ZC3H13: variants seen among roughly 807,000 people sequenced by gnomAD.
ZC3H13 encodes zinc finger CCCH domain-containing protein 13.
In ZC3H13, 64 loss-of-function variants were observed where a neutral mutation model predicts 204.1. The ratio of observed to expected loss-of-function variants is 0.31; its 90% CI spans 0.26 to 0.39. ZC3H13 has a LOEUF of 0.39. Among genes scored for constraint, ZC3H13 ranks in the 10% least tolerant of loss-of-function variants. The pLI is 1.00. For missense variants in ZC3H13, 1,833 were observed against 2,082.7 expected (o/e 0.88, Z 2.33); for synonymous variants, 667 against 693.7 (o/e 0.96, Z 0.60).
rs1951304883 is a variant in ZC3H13, at chr13:45,956,929, T to G, written c.*198A>C. 5.1e-6 allele frequency: 2 copies of G among 395,372 alleles called. No individual in the cohort carries two copies. Among genetic ancestry groups the G allele is most frequent in the Non-Finnish European group, 8.7e-6 (2 of 231,086 alleles). 24.5% of individuals were successfully genotyped at this position (395,372 alleles called of 1,614,324 possible). ...CACATTATTTTGCATGAGTGTCAAA[T>G]ACTATGTAAAAATTAACGTAAAATC... On this transcript the variant is annotated 3_prime_UTR_variant, in exon 19 of 19. Coordinates refer to ENST00000679008, the MANE Select transcript of ZC3H13 (RefSeq NM_001330564.2).
chr13:45,964,821 A>G (rs541554393), intron 16 of ZC3H13, among the ~76,000 whole-genome samples: 1 of 152,348 alleles, frequency 6.6e-6, no homozygotes, highest in South Asian at 2.1e-4. Context: ...ACTGTAAGTC[A>G]AAATAATTAC....
At position 45,968,777 on chromosome 13, in the gene ZC3H13, C is replaced by T. The variant is rs752496814; in HGVS notation, c.3767G>A (p.Arg1256His). 3.0e-5 allele frequency: 48 copies of T among 1,608,770 alleles called. No individual in the cohort carries two copies. Among genetic ancestry groups the T allele is most frequent in the Middle Eastern group, 1.7e-4 (1 of 6,048 alleles). ...AGAAGTACTTCGACTGGGTTCTCCA[C>T]GCTTTAACTGATCAATCCTAGATTT... ...ERKSRIDQLK[R>H]GEPSRSTSSD... Residue 1256 changes from arginine to histidine, a missense_variant, in exon 14 of 19, where the codon CGT becomes CAT. Coordinates refer to ENST00000679008, the MANE Select transcript of ZC3H13 (RefSeq NM_001330564.2).
At chr13:45,970,863 T>G (rs1410457860) in intron 12 of ZC3H13, among the ~76,000 whole-genome samples, 1 of 152,184 alleles carries the variant, frequency 6.6e-6, no homozygotes, top group African/African-American at 2.4e-5. Context: ...TGAGAAAACC[T>G]AATATTGGCT....
At position 46,008,558 on chromosome 13, in the gene ZC3H13, A is replaced by G. The variant is rs533784217; in HGVS notation, c.746+1790T>C. ...AAGCAAAAGAGATTGTATGTAAAAG[A>G]TGAAACTAACCCTTTGTCTAAATAG... On this transcript the variant is annotated intron_variant, in intron 7 of 18. Transcript: ENST00000679008. Among the ~76,000 whole-genome samples the G allele has an allele frequency of 3.9e-5, 6 of 152,330 alleles. No homozygotes were observed. The South Asian group carries it at 1.2e-3, about 32-fold the overall frequency.
Position 45,988,947 on chromosome 13 carries a change from T to A in ZC3H13, c.1095A>T (p.Pro365=), listed in dbSNP as rs779019412. Residue 365 remains proline (P), a synonymous_variant, in exon 9 of 19, where the codon CCA becomes CCT. Coordinates refer to ENST00000679008, the MANE Select transcript of ZC3H13 (RefSeq NM_001330564.2). ...AAGGAGAGGCAGAGCGTCGTAAAGG[T>A]GGAGTTAGTGTCCGCTGATAAGATG... ...PSPSYQRTLT[P]PLRRSASPYP... The A allele has an allele frequency of 6.8e-6, 11 of 1,613,226 alleles. No individual in the cohort carries two copies. The highest frequency in any genetic ancestry group is 8.5e-7 in the Non-Finnish European group (1 of 1,179,776).
chr13:46,034,203 T>C (rs563728666), intron 4 of ZC3H13, among the ~76,000 whole-genome samples: 1 of 152,290 alleles, frequency 6.6e-6, no homozygotes, highest in African/African-American at 2.4e-5. Flanking sequence ...TAGGTGGAGA[T>C]GCAAAATGGA....
intron 4 of ZC3H13, among the ~76,000 whole-genome samples, chr13:46,026,379 A>C (rs934546124): frequency 6.6e-6 from 1 of 152,086 alleles, no homozygotes; most frequent in Non-Finnish European, 1.5e-5. Context: ...ACCTACTACT[A>C]AGATACTTTA....
At chr13:45,978,536 T>C (rs1953262793) in intron 11 of ZC3H13, among the ~76,000 whole-genome samples, 1 of 151,988 alleles carries the variant, frequency 6.6e-6, no homozygotes. Flanking sequence ...AAAACATGAA[T>C]TATTTTATCA....
At position 45,969,920 on chromosome 13, in the gene ZC3H13, G is replaced by A. The variant is rs371665453; in HGVS notation, c.2624C>T (p.Ser875Phe). 1.5e-5 allele frequency: 25 copies of A among 1,613,284 alleles called. No homozygotes were observed. The highest frequency in any genetic ancestry group is 1.9e-5 in the Non-Finnish European group (23 of 1,179,972). ...TTCTGTGAGGTGCGAGGGACTAAGAGAACGAGATTCTTGAGGTCGTACAAC... is the reference window on the plus strand; with the variant it reads ...TTCTGTGAGGTGCGAGGGACTAAGAAAACGAGATTCTTGAGGTCGTACAAC... ...SQVVRPQESR[S>F]LSPSHLTEDR... The change falls in exon 14 of 19, where the codon TCT (serine) becomes TTT (phenylalanine). Residue 875 changes from serine (S) to phenylalanine (F), a missense_variant. Ser to Phe is a radical substitution (Grantham distance 155, BLOSUM62 -2). Transcript: ENST00000679008.
intron 8 of ZC3H13, among the ~76,000 whole-genome samples, chr13:46,000,524 C>G (rs965453108): frequency 1.2e-4 from 19 of 152,194 alleles, no homozygotes; most frequent in African/African-American, 4.6e-4. Context: ...CTTTCAGCCT[C>G]GAAAGAATTA....
At chr13:46,016,357 T>C (rs914819624) in intron 5 of ZC3H13, among the ~76,000 whole-genome samples, 3 of 152,192 alleles carry the variant, frequency 2.0e-5, no homozygotes, top group Admixed American at 6.6e-5. Context: ...GACTAAATTA[T>C]GGCATATTCA....
chr13:46,017,598 C>T (rs1372996568), intron 5 of ZC3H13, among the ~76,000 whole-genome samples: 5 of 151,916 alleles, frequency 3.3e-5, no homozygotes, highest in African/African-American at 1.2e-4. Flanking sequence ...AAAAAATTTT[C>T]TCAGGTTCAT....
chr13:46,020,197 T>C (rs1436594488), intron 5 of ZC3H13, among the ~76,000 whole-genome samples: 3 of 152,180 alleles, frequency 2.0e-5, no homozygotes, highest in African/African-American at 7.2e-5. Flanking sequence ...AGGGCTGTAA[T>C]GCTGCACAAT....
chr13:46,042,938 A>G (rs1359210859), intron 3 of ZC3H13, among the ~76,000 whole-genome samples: 2 of 152,036 alleles, frequency 1.3e-5, no homozygotes, highest in South Asian at 2.1e-4. Flanking sequence ...ATTCTGCTGT[A>G]AATTTTTTAA....
chr13:45,962,857 T>TATGTATTATTAAGTATTATTAATACTTAA (rs1951792268), intron 17 of ZC3H13: 1 of 985,188 alleles, frequency 1.0e-6, no homozygotes. Context: ...TCCCCATTAA[T>TATGTATTATTAAGTATTATTAATACTTAA]AAAGTATTAG....
chr13:45,963,304 G>A, intron 17 of ZC3H13: 1 of 986,624 alleles, frequency 1.0e-6, no homozygotes, highest in Non-Finnish European at 1.2e-6. Flanking sequence ...AGGGGAAAGG[G>A]CTGCCAAAAT....
Position 46,010,546 on chromosome 13 carries a change from C to G in ZC3H13, c.589-41G>C, listed in dbSNP as rs774092374. ...GTAAGTCAATTCAGAAATTCCTCCA[C>G]TTATGGTACAACAAGACTTACAGTA... On this transcript the variant is annotated intron_variant, in intron 6 of 18. Transcript: ENST00000679008. 2.4e-5 allele frequency: 38 copies of G among 1,580,192 alleles called. No individual in the cohort carries two copies. The African/African-American group carries it at 4.2e-4, about 17-fold the overall frequency.
chr13:46,027,811 AATTG>A (rs534925570), intron 4 of ZC3H13, among the ~76,000 whole-genome samples: 108 of 152,336 alleles, frequency 7.1e-4, no homozygotes, highest in African/African-American at 2.5e-3. Flanking sequence ...AAAGAAGTAT[AATTG>A]ATATGCTAAA....
chr13:46,036,058 G>A (rs1427249670), intron 4 of ZC3H13, among the ~76,000 whole-genome samples: 6 of 151,860 alleles, frequency 4.0e-5, no homozygotes, highest in Non-Finnish European at 7.4e-5. Context: ...TGAGGCAGGA[G>A]GATTGTTTGA....
Sources: allele counts gnomAD v4.1 joint callset (sites outside exome capture counted in the v4.1 genomes callset), GRCh38; gene constraint gnomAD v4.1.1; transcripts MANE v1.5; gene names NCBI Gene and HGNC (gene_info 2026-07-23, HGNC 2026-07-21).